Variants in CDCA2 observed in about 807,000 individuals in gnomAD.
The protein encoded by CDCA2 is cell division cycle associated 2.
Under a neutral mutation model 67.0 loss-of-function variants are expected in CDCA2, and 44 were observed. The observed-to-expected ratio is 0.66, with a 90% CI of 0.52 to 0.84. The LOEUF is 0.84. Ranked by LOEUF, CDCA2 falls within the 40% of genes least tolerant of loss-of-function variation. The probability of loss-of-function intolerance (pLI) is 0.00; values close to 1 mark genes in which losing one functional copy is unlikely to be tolerated. For synonymous variants in CDCA2, 447 were observed against 418.7 expected, an observed-to-expected ratio of 1.07 and a Z score of -0.82; for missense variants, 1,253 against 1,203.2, an observed-to-expected ratio of 1.04 and a Z score of -0.61.
intron 13 of CDCA2, among the ~76,000 whole-genome samples, chr8:25,490,068 A>G (rs984678378): frequency 3.9e-5 from 6 of 152,174 alleles, no homozygotes; most frequent in African/African-American, 1.2e-4. Flanking sequence ...GGAAGGAACT[A>G]GGTGTTTTCC....
chr8:25,474,889 A>C (rs1803286766), intron 7 of CDCA2, among the ~76,000 whole-genome samples: 1 of 151,848 alleles, frequency 6.6e-6, no homozygotes, highest in South Asian at 2.1e-4. Context: ...CTCCCAGCCC[A>C]GGGTAGGGTT....
intron 7 of CDCA2, chr8:25,479,572 G>T (rs1803485279): frequency 3.4e-6 from 1 of 297,100 alleles, no homozygotes. Context: ...TAGTTTTTAT[G>T]GTCCAAGTAG....
intron 13 of CDCA2, among the ~76,000 whole-genome samples, chr8:25,491,948 C>T (rs1231323687): frequency 2.0e-5 from 3 of 152,178 alleles, no homozygotes; most frequent in Non-Finnish European, 2.9e-5. Context: ...CAGGAACGCA[C>T]CACCATGCTC....
intron 8 of CDCA2, among the ~76,000 whole-genome samples, 165 bp downstream of exon 8, chr8:25,480,289 A>G (rs985198645): frequency 6.6e-6 from 1 of 152,118 alleles, no homozygotes; most frequent in Non-Finnish European, 1.5e-5. Context: ...CACTGGGTGT[A>G]GTTTCTTTTT....
At chr8:25,499,991 A>G (rs1804408748) in intron 13 of CDCA2, among the ~76,000 whole-genome samples, 2 of 152,222 alleles carry the variant, frequency 1.3e-5, no homozygotes, top group South Asian at 2.1e-4. Flanking sequence ...ATGTATTTTC[A>G]GGACAGACAG....
intron 8 of CDCA2, among the ~76,000 whole-genome samples, chr8:25,482,264 G>T (rs544378500): frequency 6.6e-6 from 1 of 152,300 alleles, no homozygotes; most frequent in South Asian, 2.1e-4. Flanking sequence ...AATGTAAAAA[G>T]ATTCAAATAC....
intron 7 of CDCA2, among the ~76,000 whole-genome samples, chr8:25,478,509 C>A (rs1402651215): frequency 2.6e-5 from 4 of 152,160 alleles, no homozygotes; most frequent in Non-Finnish European, 5.9e-5. Flanking sequence ...CAAAATCTTT[C>A]ATCGACTTCC....
chr8:25,487,121 C>A, intron 11 of CDCA2, 125 bp from the exon 12 acceptor site: 1 of 614,672 alleles, frequency 1.6e-6, no homozygotes, highest in Non-Finnish European at 2.9e-6. Context: ...TGCTGCTTGG[C>A]TCCTCTTTTT....
chr8:25,468,507 C>T (rs1803015827), intron 6 of CDCA2, 94 bp downstream of exon 6: 1 of 906,868 alleles, frequency 1.1e-6, no homozygotes, highest in African/African-American at 1.7e-5. Flanking sequence ...AATTTTAGTA[C>T]CTTGTTCTGC....
intron 7 of CDCA2, among the ~76,000 whole-genome samples, chr8:25,473,663 C>T (rs1803243447): frequency 1.3e-5 from 2 of 152,184 alleles, no homozygotes; most frequent in African/African-American, 4.8e-5. Context: ...ACGTGGTTTT[C>T]ATTACAGAGA....
intron 6 of CDCA2, among the ~76,000 whole-genome samples, chr8:25,469,607 A>T (rs1803070054): frequency 6.6e-6 from 1 of 152,240 alleles, no homozygotes; most frequent in African/African-American, 2.4e-5. Flanking sequence ...ACAAAAATAT[A>T]TCCTTTAAAC....
chr8:25,478,888 G>GTGTGTATATATATATATA lies in CDCA2; in HGVS notation c.821-1024_821-1023insGTGTATATATATATATAT, dbSNP rs1006353040. Among the ~76,000 whole-genome samples, 245 of 111,528 alleles carry GTGTGTATATATATATATA rather than the reference G, an allele frequency of 2.2e-3. 1 individual carries two copies. Among genetic ancestry groups the GTGTGTATATATATATATA allele is most frequent in the African/African-American group, 9.2e-3 (231 of 25,114 alleles). The allele number at this position is 111,528 out of a possible 152,430, so 73.2% of individuals were successfully genotyped here. A position where few individuals can be genotyped will look rare whatever the true frequency, so the allele number is the denominator to read the frequency against. Reference sequence around the variant, plus strand: ...TATATTAACTACTTGTTGTGTGTGTGTATATATATATATATATATATATAT... The same window carrying GTGTGTATATATATATATA: ...TATATTAACTACTTGTTGTGTGTGTGTGTGTATATATATATATATATATATATATATATATATATATAT... On this transcript the variant is annotated intron_variant, in intron 7 of 14. Transcript: ENST00000330560.
intron 13 of CDCA2, among the ~76,000 whole-genome samples, chr8:25,499,247 T>A (rs1173009756): frequency 2.0e-5 from 3 of 151,468 alleles, no homozygotes; most frequent in African/African-American, 7.3e-5. Flanking sequence ...GTGTGCTTGA[T>A]CACCGTAACC....
intron 4 of CDCA2, 59 bp from the exon 5 acceptor site, chr8:25,466,116 T>A: frequency 1.3e-6 from 2 of 1,504,970 alleles, no homozygotes; most frequent in Non-Finnish European, 1.8e-6. Context: ...GCTGTAGGCC[T>A]AGAATATAGA....
At chr8:25,489,530 AC>A (rs1480917408) in intron 13 of CDCA2, among the ~76,000 whole-genome samples, 3 of 152,130 alleles carry the variant, frequency 2.0e-5, no homozygotes, top group African/African-American at 4.8e-5. Context: ...CTTCCATCTG[AC>A]ATAGCCCCTA....
chr8:25,467,469 A>G (rs906846203), intron 5 of CDCA2, among the ~76,000 whole-genome samples: 22 of 152,196 alleles, frequency 1.4e-4, no homozygotes, highest in African/African-American at 5.1e-4. Flanking sequence ...TATTTACATC[A>G]TTATAATTCT....
chr8:25,498,814 C>T (rs983611044), intron 13 of CDCA2, among the ~76,000 whole-genome samples: 3 of 152,172 alleles, frequency 2.0e-5, no homozygotes, highest in African/African-American at 4.8e-5. Flanking sequence ...GAGTCATGTA[C>T]TGTGTAACTC....
At chr8:25,459,187 G>C (rs990447905), upstream of CDCA2, 1 of 152,636 alleles carries the variant, frequency 6.6e-6, no homozygotes, top group Non-Finnish European at 1.5e-5. Context: ...GGTACCGAGG[G>C]GCGGGGTCGG....
chr8:25,465,956 C>A (rs1016169344), intron 4 of CDCA2, among the ~76,000 whole-genome samples: 1 of 152,182 alleles, frequency 6.6e-6, no homozygotes, highest in African/African-American at 2.4e-5. Context: ...TCCATATAAT[C>A]TTAGGCTGGC....
Sources: allele counts gnomAD v4.1 joint callset (sites outside exome capture counted in the v4.1 genomes callset), GRCh38; gene constraint gnomAD v4.1.1; transcripts MANE v1.5; gene names NCBI Gene and HGNC (gene_info 2026-07-23, HGNC 2026-07-21).